ROCK2: variants seen among roughly 807,000 people sequenced by gnomAD.
The protein encoded by ROCK2 is Rho associated coiled-coil containing protein kinase 2, also known as rho-associated protein kinase 2.
In ROCK2, 61 loss-of-function variants were observed where a neutral mutation model predicts 195.1. The ratio of observed to expected loss-of-function variants is 0.31; its 90% CI spans 0.25 to 0.39. The LOEUF (loss-of-function observed/expected upper bound fraction) is 0.39. ROCK2 is among the 10% of genes least tolerant of loss of function. The probability of loss-of-function intolerance (pLI) is 1.00; values close to 1 mark genes in which losing one functional copy is unlikely to be tolerated. For missense variants in ROCK2, 1,109 were observed against 1,637.4 expected (o/e 0.68, Z 5.57); for synonymous variants, 504 against 545.5 (o/e 0.92, Z 1.06).
At chr2:11,204,575 G>C (rs1663981893) in intron 20 of ROCK2, among the ~76,000 whole-genome samples, 1 of 152,102 alleles carries the variant, frequency 6.6e-6, no homozygotes, top group Non-Finnish European at 1.5e-5. Context: ...AGATCTCCTA[G>C]AACAGTCCCT....
intron 28 of ROCK2, among the ~76,000 whole-genome samples, 173 bp downstream of exon 28, chr2:11,194,782 C>CA (rs72368049): frequency 0.46 from 69,593 of 151,786 alleles, 17,328 homozygotes; most frequent in Admixed American, 0.55. Context: ...GGTATGAGGA[C>CA]AAAAATTTTT....
chr2:11,330,709 G>C (rs1323249018), intron 1 of ROCK2, among the ~76,000 whole-genome samples: 8 of 138,712 alleles, frequency 5.8e-5, no homozygotes, highest in Non-Finnish European at 1.2e-4. Context: ...GGGGAGGAAG[G>C]AGGAAGACAA....
chr2:11,302,322 GT>G lies in ROCK2; in HGVS notation c.142-14587del, dbSNP rs1157754317. 6.0e-5 allele frequency among the ~76,000 whole-genome samples: 9 copies of G among 149,990 alleles called. No individual in the cohort carries two copies. The East Asian group carries it at 1.4e-3, about 23-fold the overall frequency. On this transcript the variant is annotated intron_variant, in intron 1 of 32. Transcript: ENST00000315872. ...TGGGGTGGGGTGTTTTTTTGTTGTTGTTTTTTTTTTCTTTTGAGACGGAGTC... is the reference window on the plus strand; with the variant it reads ...TGGGGTGGGGTGTTTTTTTGTTGTTGTTTTTTTTTCTTTTGAGACGGAGTC...
chr2:11,252,049 T>C (rs1665846534), intron 3 of ROCK2, among the ~76,000 whole-genome samples: 3 of 152,080 alleles, frequency 2.0e-5, no homozygotes. Context: ...TAGAACACCT[T>C]TATGCTGTTG....
At chr2:11,245,822 T>C (rs990754043) in intron 4 of ROCK2, among the ~76,000 whole-genome samples, 4 of 152,178 alleles carry the variant, frequency 2.6e-5, no homozygotes, top group African/African-American at 9.7e-5. Context: ...TTCAAAGGAC[T>C]GAAACATATC....
intron 1 of ROCK2, among the ~76,000 whole-genome samples, chr2:11,314,425 T>C (rs1385658618): frequency 2.2e-5 from 2 of 92,216 alleles, no homozygotes; most frequent in Non-Finnish European, 5.0e-5. Context: ...TGTTTAGGAA[T>C]AGTTTAGAAC....
At chr2:11,217,350 C>T in intron 11 of ROCK2, 181 bp from the exon 12 acceptor site, 1 of 701,228 alleles carries the variant, frequency 1.4e-6, no homozygotes, top group Non-Finnish European at 2.7e-6. Flanking sequence ...TCCCCCATCT[C>T]TTGCTTTCTA....
chr2:11,345,036 C>T (rs561695063), upstream of ROCK2, among the ~76,000 whole-genome samples: 126 of 151,822 alleles, frequency 8.3e-4, 1 homozygote, highest in African/African-American at 2.8e-3. Context: ...CCGCGCCCCC[C>T]GCCGCGGCCC....
intron 1 of ROCK2, among the ~76,000 whole-genome samples, chr2:11,318,970 T>G (rs1668316089): frequency 6.6e-6 from 1 of 152,248 alleles, no homozygotes; most frequent in Non-Finnish European, 1.5e-5. Flanking sequence ...TATATCTCTG[T>G]TTTGGTACCA....
rs372870701 is a variant in ROCK2, at chr2:11,200,426, T to G, written c.2910+531A>C. On this transcript the variant is annotated intron_variant, in intron 23 of 32. Transcript: ENST00000315872. The stretch of plus-strand genomic sequence containing the variant: ...CTGAAACCATTTATGAAATGTGTCC[T>G]TTCCCAGTGATTTGTGTACTGCCAC... Among the ~76,000 whole-genome samples, 29 of 152,326 alleles carry G rather than the reference T, an allele frequency of 1.9e-4. No individual in the cohort carries two copies. The East Asian group carries it at 5.2e-3, about 27-fold the overall frequency.
At position 11,181,177 on chromosome 2, in the gene ROCK2, T is replaced by TAA. The variant is rs1055635985; in HGVS notation, c.*2258_*2259dup. On this transcript the variant is annotated 3_prime_UTR_variant, in exon 33 of 33. Coordinates refer to ENST00000315872, the MANE Select transcript of ROCK2 (RefSeq NM_004850.5). ...ATTATTTCACCTTAATAAAGTTTATTAAAAATATATATATATATATATATA... is the reference window on the plus strand; with the variant it reads ...ATTATTTCACCTTAATAAAGTTTATTAAAAAAATATATATATATATATATATA... 6.1e-4 allele frequency: 61 copies of TAA among 99,668 alleles called. No individual in the cohort carries two copies. Among genetic ancestry groups the TAA allele is most frequent in the East Asian group, 8.6e-4 (3 of 3,480 alleles). 6.2% of individuals were successfully genotyped at this position (99,668 alleles called of 1,614,324 possible).
At chr2:11,318,937 G>A (rs1277980133) in intron 1 of ROCK2, among the ~76,000 whole-genome samples, 1 of 152,022 alleles carries the variant, frequency 6.6e-6, no homozygotes, top group Non-Finnish European at 1.5e-5. Flanking sequence ...TATTTCTGAG[G>A]GCTCCGTTCT....
At chr2:11,319,609 T>C (rs996757517) in intron 1 of ROCK2, among the ~76,000 whole-genome samples, 40 of 152,294 alleles carry the variant, frequency 2.6e-4, no homozygotes, top group Middle Eastern at 3.4e-3. Context: ...TCCTGCCTGA[T>C]TGCCCTGGCC....
intron 4 of ROCK2, among the ~76,000 whole-genome samples, chr2:11,241,151 T>C (rs1665414393): frequency 6.6e-6 from 1 of 152,146 alleles, no homozygotes; most frequent in Non-Finnish European, 1.5e-5. Context: ...AGGAATGAAA[T>C]ATTGATATAC....
chr2:11,193,551 C>T (rs973732098), intron 30 of ROCK2, among the ~76,000 whole-genome samples: 1 of 152,044 alleles, frequency 6.6e-6, no homozygotes, highest in African/African-American at 2.4e-5. Flanking sequence ...AAACACACCG[C>T]AAGCTTTAAC....
intron 6 of ROCK2, among the ~76,000 whole-genome samples, chr2:11,225,663 A>G (rs1373560882): frequency 1.3e-5 from 2 of 152,114 alleles, no homozygotes; most frequent in African/African-American, 4.8e-5. Context: ...TCTTCATCAA[A>G]TAAGCCAAAT....
intron 1 of ROCK2, among the ~76,000 whole-genome samples, chr2:11,334,328 T>C (rs1245355244): frequency 1.3e-5 from 2 of 151,958 alleles, no homozygotes; most frequent in Non-Finnish European, 2.9e-5. Context: ...CTGGCCAACA[T>C]GGTGAAACCT....
intron 3 of ROCK2, among the ~76,000 whole-genome samples, chr2:11,261,614 C>A (rs1356146015): frequency 6.6e-6 from 1 of 152,096 alleles, no homozygotes; most frequent in East Asian, 1.9e-4. Context: ...GTCAGCAGTT[C>A]GAGACCAGCC....
At chr2:11,240,242 T>C (rs1480059025) in intron 4 of ROCK2, among the ~76,000 whole-genome samples, 2 of 152,218 alleles carry the variant, frequency 1.3e-5, no homozygotes, top group Admixed American at 6.5e-5. Context: ...ATCATGTGTT[T>C]GGTCTTTTGT....
Sources: allele counts gnomAD v4.1 joint callset (sites outside exome capture counted in the v4.1 genomes callset), GRCh38; gene constraint gnomAD v4.1.1; transcripts MANE v1.5; gene names NCBI Gene and HGNC (gene_info 2026-07-23, HGNC 2026-07-21).